Variants in THUMPD1 observed in about 807,000 individuals in gnomAD.
THUMPD1 encodes THUMP domain 1 NAT10 acetyltransferase adaptor, also known as THUMP domain-containing protein 1.
THUMPD1 carries 31 observed loss-of-function variants against 31.6 expected under a neutral mutation model. The ratio of observed to expected loss-of-function variants is 0.98; its 90% CI spans 0.74 to 1.32. The LOEUF is 1.32. Ranked by LOEUF, THUMPD1 falls within the 40% of genes most tolerant of loss-of-function variation. The pLI, the probability that THUMPD1 is intolerant of heterozygous loss-of-function variation, is 0.00. For synonymous variants in THUMPD1, 166 were observed against 158.2 expected (o/e 1.05, Z -0.37); for missense variants, 446 against 427.8 (o/e 1.04, Z -0.38).
chr16:20,736,393 A>AAC lies in THUMPD1; in HGVS notation c.*486_*487insGT, dbSNP rs1555482560. The AAC allele has an allele frequency of 6.5e-6, 1 of 152,872 alleles. No individual in the cohort carries two copies. The highest frequency in any genetic ancestry group is 2.4e-5 in the African/African-American group (1 of 41,392). The allele number at this position is 152,872 out of a possible 1,614,324, so 9.5% of individuals were successfully genotyped here. ...ACACAAATGTTAAAAAAAAAAAAAAAAAACAGACATAAACAAGAAAATCAC... is the reference window on the plus strand; with the variant it reads ...ACACAAATGTTAAAAAAAAAAAAAAAACAAACAGACATAAACAAGAAAATCAC... On this transcript the variant is annotated 3_prime_UTR_variant, in exon 4 of 4. Transcript: ENST00000396083.
rs1426122381 is a variant in THUMPD1 at position 20,736,882 on chromosome 16, A to G, written c.1060T>C (p.Ter354GlnextTer26). ...CACCTCCAACACCAAATGACTTCCT[A>G]TGAGAAGTCATTTTCATTTGACTTG... ...GSKSNENDFS[*>Q] The change falls in exon 4 of 4, where the codon TAG (stop) becomes CAG (glutamine). Residue 354 changes from the stop codon to glutamine (Q), a stop_lost. Coordinates refer to ENST00000396083, the MANE Select transcript of THUMPD1 (RefSeq NM_017736.5). 2 of 1,613,538 alleles carry G rather than the reference A, an allele frequency of 1.2e-6. No homozygotes were observed. Among genetic ancestry groups the G allele is most frequent in the East Asian group, 2.2e-5 (1 of 44,874 alleles).
At chr16:20,738,352 G>A (rs2079889329) in intron 2 of THUMPD1, 1 of 400,388 alleles carries the variant, frequency 2.5e-6, no homozygotes, top group Non-Finnish European at 4.9e-6. Context: ...TTTAAAAGAT[G>A]TAATTAATCC....
chr16:20,736,732 G>A lies in THUMPD1; in HGVS notation c.*148C>T. ...AGATCCCTAAAAAAACTGTTAACAG[G>A]GCTGCGCAATCATTGCTCACTACTG... is the stretch of plus-strand genomic sequence containing the variant. On this transcript the variant is annotated 3_prime_UTR_variant, in exon 4 of 4. Transcript: ENST00000396083. 1 of 764,242 alleles carries A rather than the reference G, an allele frequency of 1.3e-6. No homozygotes were observed. The highest frequency in any genetic ancestry group is 1.9e-5 in the South Asian group (1 of 52,414). 47.3% of individuals were successfully genotyped at this position (764,242 alleles called of 1,614,324 possible). A position where few individuals can be genotyped will look rare whatever the true frequency, so the allele number is the denominator to read the frequency against.
chr16:20,738,807 C>T, intron 2 of THUMPD1, 90 bp downstream of exon 2: 1 of 1,466,172 alleles, frequency 6.8e-7, no homozygotes, highest in Non-Finnish European at 9.3e-7. Context: ...TGAGTCATGC[C>T]CAAGAAGCCA....
rs1016542138 is a variant in THUMPD1, at chr16:20,741,413, G to C, written c.231+96C>G. 3.5e-6 allele frequency: 5 copies of C among 1,410,084 alleles called. No individual in the cohort carries two copies. The African/African-American group carries it at 5.8e-5, about 16-fold the overall frequency. 87.3% of individuals were successfully genotyped at this position (1,410,084 alleles called of 1,614,324 possible). On this transcript the variant is annotated intron_variant, in intron 1 of 3. Transcript: ENST00000396083. ...CCTACAGCCGTCACGCCGACGACCC[G>C]AGGCGCGCATGCCCATACCAGCAGC...
At position 20,741,537 on chromosome 16, in the gene THUMPD1, T is replaced by A; in HGVS notation, c.203A>T (p.Tyr68Phe). The A allele has an allele frequency of 7.6e-7, 1 of 1,312,106 alleles. No homozygotes were observed. The highest frequency in any genetic ancestry group is 1.6e-5 in the African/African-American group (1 of 61,848). 81.3% of individuals were successfully genotyped at this position (1,312,106 alleles called of 1,614,324 possible). ...TTCTGGCCCATACATGTCGTCGCCG[T>A]ATTCGTTGAGGAGGCTGTAGGCCTC... ...VEEAYSLLNE[Y>F]GDDMYGPEKF... The change falls in exon 1 of 4, where the codon TAC (tyrosine) becomes TTC (phenylalanine). Residue 68 changes from tyrosine to phenylalanine, a missense_variant. Tyr to Phe is a conservative substitution (Grantham distance 22, BLOSUM62 3). Transcript: ENST00000396083.
intron 1 of THUMPD1, among the ~76,000 whole-genome samples, chr16:20,740,237 A>C (rs914975249): frequency 1.3e-5 from 2 of 152,168 alleles, no homozygotes; most frequent in African/African-American, 4.8e-5. Context: ...TCTACAAAAA[A>C]TACAAAAAAT....
chr16:20,737,171 C>T lies in THUMPD1; in HGVS notation c.771G>A (p.Met257Ile), dbSNP rs1567330131. The part of the protein sequence containing the change: ...VCCLSVVKDY[M>I]LFRKYNLQEV... ...CCTGGAGATTGTATTTTCTAAACAA[C>T]ATGTAATCTTTCACAACACTCAGGC... The change falls in exon 4 of 4, where the codon ATG (methionine) becomes ATA (isoleucine). Residue 257 changes from methionine (M) to isoleucine (I), a missense_variant. Transcript: ENST00000396083. 1.9e-6 allele frequency: 3 copies of T among 1,614,182 alleles called. No individual in the cohort carries two copies. Among genetic ancestry groups the T allele is most frequent in the Non-Finnish European group, 2.5e-6 (3 of 1,180,034 alleles).
intron 2 of THUMPD1, 53 bp from the exon 3 acceptor site, chr16:20,738,009 G>C: frequency 1.3e-6 from 2 of 1,513,622 alleles, no homozygotes; most frequent in African/African-American, 2.8e-5. Context: ...CTTAAAGATC[G>C]AACTCTAAAA....
At chr16:20,741,210 A>G (rs1443690669) in intron 1 of THUMPD1, among the ~76,000 whole-genome samples, 1 of 152,198 alleles carries the variant, frequency 6.6e-6, no homozygotes, top group Non-Finnish European at 1.5e-5. Context: ...ACGCCACTGC[A>G]CTCCAGCCTC....
In THUMPD1 at chr16:20,737,672, T is replaced by C. The variant is rs780168989; in HGVS notation, c.655+36A>G. On this transcript the variant is annotated intron_variant, in intron 3 of 3. Transcript: ENST00000396083. ...ATCCTTAAAAAACAAGTATTTACCA[T>C]TGAATGCCTATGGAAAATCACTAAG... The C allele has an allele frequency of 3.2e-6, 5 of 1,573,326 alleles. No homozygotes were observed. In the Admixed American group the frequency reaches 5.9e-5, roughly 19 times the overall value.
chr16:20,740,518 A>G (rs377757591), intron 1 of THUMPD1, among the ~76,000 whole-genome samples: 257 of 152,390 alleles, frequency 1.7e-3, no homozygotes, highest in African/African-American at 5.8e-3. Context: ...GTATACATTT[A>G]CAGAAACTTT....
At position 20,733,672 on chromosome 16, in the gene THUMPD1, G is replaced by A. The variant is rs1383352140; in HGVS notation, c.*3208C>T. Reference sequence around the variant, plus strand: ...AAATATTAGAACACCAATTTTTAGGGAACAAATTTATTTTGATTTTTCTGA... The same window carrying A: ...AAATATTAGAACACCAATTTTTAGGAAACAAATTTATTTTGATTTTTCTGA... On this transcript the variant is annotated 3_prime_UTR_variant, in exon 4 of 4. Coordinates refer to ENST00000396083, the MANE Select transcript of THUMPD1 (RefSeq NM_017736.5). The A allele has an allele frequency of 6.6e-6, 1 of 151,752 alleles. No homozygotes were observed. 9.4% of individuals were successfully genotyped at this position (151,752 alleles called of 1,614,324 possible). A position where few individuals can be genotyped will look rare whatever the true frequency, so the allele number is the denominator to read the frequency against.
At chr16:20,739,544 G>T (rs374026354) in intron 1 of THUMPD1, among the ~76,000 whole-genome samples, 1 of 152,108 alleles carries the variant, frequency 6.6e-6, no homozygotes, top group Non-Finnish European at 1.5e-5. Flanking sequence ...AGCAAGGCCG[G>T]AAGTGGTGGC....
At position 20,735,968 on chromosome 16, in the gene THUMPD1, T is replaced by C. The variant is rs1264082724; in HGVS notation, c.*912A>G. 6.6e-6 allele frequency: 1 copy of C among 152,232 alleles called. No individual in the cohort carries two copies. The highest frequency in any genetic ancestry group is 1.5e-5 in the Non-Finnish European group (1 of 68,034). The allele number at this position is 152,232 out of a possible 1,614,324, so 9.4% of individuals were successfully genotyped here. On this transcript the variant is annotated 3_prime_UTR_variant, in exon 4 of 4. Coordinates refer to ENST00000396083, the MANE Select transcript of THUMPD1 (RefSeq NM_017736.5). ...TAAGTTCTGCTACTAAATAATTTGC[T>C]TCTTAAACCTTTTGACTAAAGGTGA...
intron 1 of THUMPD1, 28 bp downstream of exon 1, chr16:20,741,481 G>GGGGGGGGCCCCC: frequency 1.5e-6 from 2 of 1,308,414 alleles, no homozygotes; most frequent in Non-Finnish European, 2.0e-6. Flanking sequence ...CTGGCAGCCG[G>GGGGGGGGCCCCC]CCCGCCCGCC....
Position 20,741,520 on chromosome 16 carries a change from C to T in THUMPD1, c.220G>A (p.Gly74Arg). The T allele has an allele frequency of 2.3e-6, 3 of 1,290,184 alleles. No individual in the cohort carries two copies. Among genetic ancestry groups the T allele is most frequent in the Non-Finnish European group, 3.1e-6 (3 of 970,070 alleles). 79.9% of individuals were successfully genotyped at this position (1,290,184 alleles called of 1,614,324 possible). A position where few individuals can be genotyped will look rare whatever the true frequency, so the allele number is the denominator to read the frequency against. ...LLNEYGDDMY[G>R]PEKFTDKDQQ... ...CCCGGGACCGGTACCTTTTCTGGCC[C>T]ATACATGTCGTCGCCGTATTCGTTG... Residue 74 changes from glycine (G) to arginine (R), a missense_variant, in exon 1 of 4, where the codon GGG (glycine) becomes AGG (arginine). Transcript: ENST00000396083.
rs907444742 is a variant in THUMPD1, at chr16:20,735,320, ATGTC to A, written c.*1556_*1559del. The A allele has an allele frequency of 6.6e-6, 1 of 151,046 alleles. No homozygotes were observed. The highest frequency in any genetic ancestry group is 6.6e-5 in the Admixed American group (1 of 15,192). The allele number at this position is 151,046 out of a possible 1,614,324, so 9.4% of individuals were successfully genotyped here. On this transcript the variant is annotated 3_prime_UTR_variant, in exon 4 of 4. Coordinates refer to ENST00000396083, the MANE Select transcript of THUMPD1 (RefSeq NM_017736.5). ...AACGCTTCCTCTGAGAAGCCACTGG[ATGTC>A]TGTATGGTGCAGGAGGTTTATGTGC...
chr16:20,738,257 T>C (rs1282237293), intron 2 of THUMPD1: 1 of 482,720 alleles, frequency 2.1e-6, no homozygotes, highest in Non-Finnish European at 4.1e-6. Flanking sequence ...CGTAACACCA[T>C]GCTGTTGTTT....
Sources: gnomAD v4.1 joint callset for allele counts (sites outside exome capture counted in the v4.1 genomes callset) on GRCh38, gnomAD v4.1.1 for gene constraint, MANE v1.5 for transcripts, NCBI Gene and HGNC (gene_info 2026-07-23, HGNC 2026-07-21) for gene names.